Variants in PRICKLE2 observed in about 807,000 individuals in gnomAD.
The protein encoded by PRICKLE2 is prickle-like protein 2.
In PRICKLE2, 21 loss-of-function variants were observed where a neutral mutation model predicts 81.4. The ratio of observed to expected loss-of-function variants is 0.26; its 90% CI spans 0.18 to 0.37. The LOEUF is 0.37. PRICKLE2 is among the 10% of genes least tolerant of loss of function. The probability of loss-of-function intolerance (pLI) is 1.00; values close to 1 mark genes in which losing one functional copy is unlikely to be tolerated. For synonymous variants in PRICKLE2, 456 were observed against 421.5 expected, an observed-to-expected ratio of 1.08 and a Z score of -1.00; for missense variants, 940 against 1,109.0, an observed-to-expected ratio of 0.85 and a Z score of 2.16.
intron 2 of PRICKLE2, among the ~76,000 whole-genome samples, chr3:64,173,414 G>T (rs1484460006): frequency 2.0e-5 from 3 of 151,784 alleles, no homozygotes; most frequent in African/African-American, 4.8e-5. Flanking sequence ...CAGTGGAATA[G>T]GATAAATTAA....
At chr3:64,125,031 A>C (rs949731480) in intron 7 of PRICKLE2, among the ~76,000 whole-genome samples, 5 of 152,192 alleles carry the variant, frequency 3.3e-5, no homozygotes, top group African/African-American at 1.2e-4. Flanking sequence ...CATTAAGAAC[A>C]CTCGTGATTC....
At chr3:64,187,705 A>G (rs2107092587) in intron 2 of PRICKLE2, 1 of 152,382 alleles carries the variant, frequency 6.6e-6, no homozygotes, top group South Asian at 2.1e-4. Flanking sequence ...TTGGGAGATG[A>G]ACCATTTTAT....
intron 1 of PRICKLE2, chr3:64,200,306 T>A (rs185586896): frequency 4.6e-5 from 7 of 152,322 alleles, no homozygotes; most frequent in East Asian, 1.9e-4. Flanking sequence ...CAATCCTTCA[T>A]CCCCTTTTAT....
chr3:64,217,936 C>G (rs1268680194), intron 1 of PRICKLE2, among the ~76,000 whole-genome samples: 2 of 152,142 alleles, frequency 1.3e-5, no homozygotes, highest in Non-Finnish European at 2.9e-5. Flanking sequence ...TTCGGGCTTC[C>G]TTACAAAATA....
At chr3:64,107,306 C>T (rs757762196) in intron 7 of PRICKLE2, among the ~76,000 whole-genome samples, 2 of 152,124 alleles carry the variant, frequency 1.3e-5, no homozygotes, top group African/African-American at 4.8e-5. Flanking sequence ...CAGAAACTGG[C>T]CTCTGCGAGA....
intron 7 of PRICKLE2, among the ~76,000 whole-genome samples, chr3:64,141,515 T>C (rs1209017931): frequency 6.6e-6 from 1 of 152,256 alleles, no homozygotes; most frequent in East Asian, 1.9e-4. Context: ...TTACGCAGGC[T>C]GCAAGCTGCT....
intron 2 of PRICKLE2, among the ~76,000 whole-genome samples, chr3:64,231,517 T>C (rs2079102602): frequency 2.0e-5 from 3 of 152,162 alleles, no homozygotes; most frequent in African/African-American, 7.2e-5. Flanking sequence ...TTTTTCAGTA[T>C]TCCCTAAATA....
intron 7 of PRICKLE2, among the ~76,000 whole-genome samples, chr3:64,120,393 G>C (rs2077006525): frequency 6.6e-6 from 1 of 152,178 alleles, no homozygotes; most frequent in African/African-American, 2.4e-5. Flanking sequence ...AAAGACAGCA[G>C]ATGGACCTTC....
chr3:64,241,715 G>T (rs2079268202), intron 2 of PRICKLE2, among the ~76,000 whole-genome samples: 1 of 152,118 alleles, frequency 6.6e-6, no homozygotes, highest in Admixed American at 6.5e-5. Context: ...CCTGTGTCCT[G>T]CTGCAGAAAT....
Position 64,159,954 on chromosome 3 carries a change from C to G in PRICKLE2, c.382G>C (p.Ala128Pro). The G allele has an allele frequency of 6.2e-7, 1 of 1,614,186 alleles. No individual in the cohort carries two copies. ...VRPFPVTMTG[A>P]ICEQCGGQIN... The stretch of plus-strand genomic sequence containing the variant: ...TCCATGCTTACCTGTTCACAAATAG[C>G]TCCTGTCATGGTGACTGGGAAAGGC... The change falls in exon 4 of 8, where the codon GCT (alanine) becomes CCT (proline). Residue 128 changes from alanine (A) to proline (P), a missense_variant. By Grantham distance (27) the Ala-to-Pro change is conservative (BLOSUM62 -1). This residue lies in a region of PRICKLE2 where 270 missense variants were observed against 391.8 expected (regional missense o/e 0.69). Transcript: ENST00000638394.
intron 2 of PRICKLE2, among the ~76,000 whole-genome samples, chr3:64,236,613 A>C (rs1394709447): frequency 1.3e-5 from 2 of 152,186 alleles, no homozygotes; most frequent in African/African-American, 4.8e-5. Flanking sequence ...CCTATAAATA[A>C]CTTGCTCTAA....
intron 7 of PRICKLE2, among the ~76,000 whole-genome samples, chr3:64,114,506 T>G (rs1321409628): frequency 6.6e-6 from 1 of 151,758 alleles, no homozygotes; most frequent in Non-Finnish European, 1.5e-5. Context: ...ACAGACAAAA[T>G]AGCCAATATA....
chr3:64,249,700 A>T (rs1182858618), intron 2 of PRICKLE2, among the ~76,000 whole-genome samples: 2 of 152,208 alleles, frequency 1.3e-5, no homozygotes, highest in Non-Finnish European at 1.5e-5. Flanking sequence ...TATGTCATCC[A>T]GGTCTGAATC....
At chr3:64,183,889 C>T (rs544674027) in intron 2 of PRICKLE2, among the ~76,000 whole-genome samples, 10 of 152,308 alleles carry the variant, frequency 6.6e-5, no homozygotes, top group African/African-American at 2.4e-4. Context: ...AGTCTACATT[C>T]CCTGGGTATT....
intron 7 of PRICKLE2, among the ~76,000 whole-genome samples, chr3:64,110,461 C>T (rs1219769018): frequency 7.9e-5 from 12 of 152,098 alleles, no homozygotes; most frequent in Admixed American, 7.9e-4. Flanking sequence ...AAGGATATGA[C>T]CTAGTGCAGG....
At chr3:64,215,234 G>C (rs1018266717) in intron 1 of PRICKLE2, among the ~76,000 whole-genome samples, 1 of 152,008 alleles carries the variant, frequency 6.6e-6, no homozygotes, top group Non-Finnish European at 1.5e-5. Flanking sequence ...TCCCCATCTT[G>C]TTCCAGCCTC....
At chr3:64,113,136 G>A (rs1327964158) in intron 7 of PRICKLE2, among the ~76,000 whole-genome samples, 1 of 152,204 alleles carries the variant, frequency 6.6e-6, no homozygotes, top group Non-Finnish European at 1.5e-5. Flanking sequence ...ATGGACACTT[G>A]AGGTGGCAGG....
intron 1 of PRICKLE2, among the ~76,000 whole-genome samples, chr3:64,209,787 C>G (rs905138456): frequency 6.6e-6 from 1 of 152,224 alleles, no homozygotes; most frequent in African/African-American, 2.4e-5. Context: ...AGTAAACAAA[C>G]AGATAAACCT....
intron 4 of PRICKLE2, among the ~76,000 whole-genome samples, chr3:64,158,406 A>G (rs2077673517): frequency 1.3e-5 from 2 of 152,260 alleles, no homozygotes; most frequent in African/African-American, 4.8e-5. Context: ...ATGTTAGCAG[A>G]GCTAAAGCAT....
Sources: allele counts gnomAD v4.1 joint callset (sites outside exome capture counted in the v4.1 genomes callset), GRCh38; gene constraint gnomAD v4.1.1; regional missense constraint gnomAD v4.1.1; transcripts MANE v1.5; gene names NCBI Gene and HGNC (gene_info 2026-07-23, HGNC 2026-07-21).